Variants in LRRTM4 observed in about 807,000 individuals in gnomAD.
The protein encoded by LRRTM4 is leucine rich repeat transmembrane neuronal 4.
LRRTM4 carries 25 observed loss-of-function variants against 47.6 expected under a neutral mutation model. The ratio of observed to expected loss-of-function variants is 0.53; its 90% CI spans 0.38 to 0.73. The LOEUF is 0.73. LRRTM4 is among the 30% of genes least tolerant of loss of function. The pLI, the probability that LRRTM4 is intolerant of heterozygous loss-of-function variation, is 0.00. For synonymous variants in LRRTM4, 311 were observed against 269.5 expected, an observed-to-expected ratio of 1.15 and a Z score of -1.51; for missense variants, 638 against 713.4, an observed-to-expected ratio of 0.89 and a Z score of 1.20.
At chr2:77,130,685 G>A (rs1239920784) in intron 3 of LRRTM4, among the ~76,000 whole-genome samples, 1 of 150,824 alleles carries the variant, frequency 6.6e-6, no homozygotes, top group African/African-American at 2.4e-5. Flanking sequence ...CTAATTTTTT[G>A]TATTTTTAGT....
intron 3 of LRRTM4, among the ~76,000 whole-genome samples, chr2:77,026,703 G>A (rs1171246102): frequency 6.6e-6 from 1 of 151,790 alleles, no homozygotes; most frequent in Admixed American, 6.6e-5. Flanking sequence ...TTGCACTTCT[G>A]TTTGCCTATT....
At chr2:77,101,650 C>G (rs926009106) in intron 3 of LRRTM4, among the ~76,000 whole-genome samples, 1 of 151,980 alleles carries the variant, frequency 6.6e-6, no homozygotes, top group Non-Finnish European at 1.5e-5. Flanking sequence ...TATTTTTTAA[C>G]TTTCACATAG....
chr2:77,192,432 A>C (rs903156703), intron 3 of LRRTM4, among the ~76,000 whole-genome samples: 1 of 152,140 alleles, frequency 6.6e-6, no homozygotes, highest in Non-Finnish European at 1.5e-5. Context: ...TTTAAAAAAA[A>C]ATTAGTATGG....
intron 3 of LRRTM4, among the ~76,000 whole-genome samples, chr2:76,852,078 A>G (rs533235249): frequency 1.1e-4 from 17 of 152,244 alleles, no homozygotes; most frequent in African/African-American, 3.8e-4. Context: ...TTGAGCTCTT[A>G]CTATTGCTAC....
intron 3 of LRRTM4, among the ~76,000 whole-genome samples, chr2:77,060,917 C>A (rs58255418): frequency 0.13 from 20,250 of 152,018 alleles, 1,417 homozygotes; most frequent in Non-Finnish European, 0.15. Context: ...TTATTCTATG[C>A]ATCTGACTTT....
intron 3 of LRRTM4, among the ~76,000 whole-genome samples, chr2:77,158,570 T>C (rs755651038): frequency 2.0e-5 from 3 of 152,168 alleles, no homozygotes; most frequent in Non-Finnish European, 2.9e-5. Flanking sequence ...TCTTATGTTT[T>C]ACATTTATCT....
intron 3 of LRRTM4, among the ~76,000 whole-genome samples, chr2:77,018,036 T>A (rs774682664): frequency 6.6e-6 from 1 of 152,048 alleles, no homozygotes; most frequent in South Asian, 2.1e-4. Context: ...TTTAGATCAA[T>A]ATATACTTGA....
chr2:77,490,679 G>A (rs771759791), intron 3 of LRRTM4, among the ~76,000 whole-genome samples: 7 of 151,956 alleles, frequency 4.6e-5, no homozygotes, highest in Admixed American at 6.5e-5. Context: ...GAGAAGAGCC[G>A]CCACCTGCTA....
At chr2:77,182,109 G>T (rs1295452690) in intron 3 of LRRTM4, among the ~76,000 whole-genome samples, 1 of 152,110 alleles carries the variant, frequency 6.6e-6, no homozygotes, top group Non-Finnish European at 1.5e-5. Flanking sequence ...CTACTATAAA[G>T]ATACATGCAC....
rs10192039 is a variant in LRRTM4 at position 77,061,487 on chromosome 2, T to A, written c.1552-312571A>T. Among the ~76,000 whole-genome samples the A allele has an allele frequency of 6.3e-3, 962 of 152,304 alleles. 7 individuals carry two copies. Among genetic ancestry groups the A allele is most frequent in the African/African-American group, 0.022 (923 of 41,558 alleles). The stretch of plus-strand genomic sequence containing the variant: ...TGATACAGAAGCTTTCAAAGTGAGA[T>A]CAGCGCTGCTTTAGCCTGTTGTATC... On this transcript the variant is annotated intron_variant, in intron 3 of 3. Coordinates refer to ENST00000409884, the MANE Select transcript of LRRTM4 (RefSeq NM_001134745.3).
intron 3 of LRRTM4, among the ~76,000 whole-genome samples, chr2:76,916,318 G>A (rs1674243378): frequency 7.0e-6 from 1 of 142,932 alleles, no homozygotes; most frequent in African/African-American, 2.6e-5. Flanking sequence ...CCGGTAGGTG[G>A]AGCTTGCAGT....
rs5832290 is a variant in LRRTM4 at position 77,521,837 on chromosome 2, C to CAAAAAAA, written c.-147-26_-147-20dup. The CAAAAAAA allele has an allele frequency of 1.3e-5, 2 of 150,456 alleles. No individual in the cohort carries two copies. The highest frequency in any genetic ancestry group is 2.3e-5 in the Non-Finnish European group (2 of 87,200). 9.3% of individuals were successfully genotyped at this position (150,456 alleles called of 1,614,324 possible). A position where few individuals can be genotyped will look rare whatever the true frequency, so the allele number is the denominator to read the frequency against. On this transcript the variant is annotated intron_variant, in intron 1 of 3. Coordinates refer to ENST00000409884, the MANE Select transcript of LRRTM4 (RefSeq NM_001134745.3). ...ATACAAACTTCCCCGAGAGGACAGG[C>CAAAAAAA]AAAAAAAAAAAAAAAAAATACATAT...
intron 3 of LRRTM4, among the ~76,000 whole-genome samples, chr2:76,868,233 G>A (rs1672519856): frequency 6.6e-6 from 1 of 152,144 alleles, no homozygotes; most frequent in Non-Finnish European, 1.5e-5. Context: ...AACAAAGGTA[G>A]ATTTTTTAAT....
chr2:77,122,309 A>C (rs1396979642), intron 3 of LRRTM4, among the ~76,000 whole-genome samples: 1 of 151,598 alleles, frequency 6.6e-6, no homozygotes, highest in Non-Finnish European at 1.5e-5. Context: ...TAAAATTAAA[A>C]ATAATGAGTT....
intron 3 of LRRTM4, among the ~76,000 whole-genome samples, chr2:77,034,565 T>C (rs992215576): frequency 1.3e-5 from 2 of 151,918 alleles, no homozygotes; most frequent in Non-Finnish European, 2.9e-5. Context: ...AATCTGGATT[T>C]CTCACAGTCT....
rs1389629930 is a variant in LRRTM4, at chr2:77,460,334, A to G, written c.1551+57984T>C. Among the ~76,000 whole-genome samples the G allele has an allele frequency of 2.0e-5, 3 of 152,130 alleles. No individual in the cohort carries two copies. The East Asian group carries it at 5.8e-4, about 29-fold the overall frequency. On this transcript the variant is annotated intron_variant, in intron 3 of 3. Coordinates refer to ENST00000409884, the MANE Select transcript of LRRTM4 (RefSeq NM_001134745.3). Reference sequence around the variant, plus strand: ...GGAGGAGTCTAGCTACCAGACTAAGACGAGGCTGAATTTGCATGCTTCTTG... The same window carrying G: ...GGAGGAGTCTAGCTACCAGACTAAGGCGAGGCTGAATTTGCATGCTTCTTG...
At chr2:77,130,807 G>A (rs1447522076) in intron 3 of LRRTM4, among the ~76,000 whole-genome samples, 7 of 135,646 alleles carry the variant, frequency 5.2e-5, no homozygotes, top group Non-Finnish European at 6.2e-5. Flanking sequence ...CACCGTGCCC[G>A]GCCAATTATT....
intron 3 of LRRTM4, among the ~76,000 whole-genome samples, chr2:76,997,296 A>G (rs1677237018): frequency 6.6e-6 from 1 of 152,070 alleles, no homozygotes; most frequent in African/African-American, 2.4e-5. Context: ...ACAGCAGTAG[A>G]GCTCATTGAT....
At chr2:77,008,471 G>T (rs1677744587) in intron 3 of LRRTM4, among the ~76,000 whole-genome samples, 1 of 152,142 alleles carries the variant, frequency 6.6e-6, no homozygotes, top group South Asian at 2.1e-4. Flanking sequence ...TAGATAGTCT[G>T]ATTTCACCAC....
Sources: allele counts gnomAD v4.1 joint callset (sites outside exome capture counted in the v4.1 genomes callset), GRCh38; gene constraint gnomAD v4.1.1; transcripts MANE v1.5; gene names NCBI Gene and HGNC (gene_info 2026-07-23, HGNC 2026-07-21).